AP3D1: variants seen among roughly 807,000 people sequenced by gnomAD.
AP3D1 encodes AP-3 complex subunit delta-1.
Under a neutral mutation model 147.6 loss-of-function variants are expected in AP3D1, and 51 were observed. The ratio of observed to expected loss-of-function variants is 0.35; its 90% CI spans 0.28 to 0.44. AP3D1 has a LOEUF of 0.44. AP3D1 is among the 20% of genes least tolerant of loss of function. The pLI is 1.00. For missense variants in AP3D1, 1,421 were observed against 1,624.2 expected, an observed-to-expected ratio of 0.87 and a Z score of 2.15; for synonymous variants, 760 against 663.0, an observed-to-expected ratio of 1.15 and a Z score of -2.25.
At chr19:2,158,104 G>A (rs1379292190) in intron 1 of AP3D1, among the ~76,000 whole-genome samples, 1 of 152,076 alleles carries the variant, frequency 6.6e-6, no homozygotes, top group East Asian at 1.9e-4. Context: ...CGCCCAGGCT[G>A]CAGTGCAGTG....
At position 2,109,143 on chromosome 19, in the gene AP3D1, T is replaced by C. The variant is rs754876392; in HGVS notation, c.3415A>G (p.Ile1139Val). 4 of 1,609,688 alleles carry C rather than the reference T, an allele frequency of 2.5e-6. No homozygotes were observed. The African/African-American group carries it at 4.0e-5, about 16-fold the overall frequency. The change falls in exon 30 of 32, where the codon ATT (isoleucine) becomes GTT (valine). Residue 1139 changes from isoleucine (I) to valine (V), a missense_variant. Physicochemically the swap from Ile to Val is conservative, Grantham distance 29. Coordinates refer to ENST00000643116, the MANE Select transcript of AP3D1 (RefSeq NM_001261826.3). The stretch of plus-strand genomic sequence containing the variant: ...AGAAGATTCTGGAAGGACATCCGAA[T>C]GCCATCGACTTTGATTGAGCTCATG... ...LSMSSIKVDG[I>V]RMSFQNLLAK...
rs369014997 is a variant in AP3D1 at position 2,118,589 on chromosome 19, G to A, written c.1713+12C>T. 1 of 1,603,288 alleles carries A rather than the reference G, an allele frequency of 6.2e-7. No homozygotes were observed. The highest frequency in any genetic ancestry group is 1.1e-5 in the South Asian group (1 of 90,852). On this transcript the variant is annotated intron_variant, in intron 15 of 31. Coordinates refer to ENST00000643116, the MANE Select transcript of AP3D1 (RefSeq NM_001261826.3). ...CCTGAGGCTCGGCCCAACACGGAGT[G>A]TTGGATCTTACCCGCTCCTGCACCT...
chr19:2,102,593 T>A (rs979870888), intron 31 of AP3D1, among the ~76,000 whole-genome samples: 3 of 151,870 alleles, frequency 2.0e-5, no homozygotes, highest in African/African-American at 7.3e-5. Flanking sequence ...CCAGGCAGGG[T>A]GGCGGGTGCC....
intron 1 of AP3D1, among the ~76,000 whole-genome samples, chr19:2,161,966 T>C (rs997760127): frequency 2.1e-5 from 3 of 144,022 alleles, no homozygotes; most frequent in Non-Finnish European, 4.6e-5. Context: ...AATAAATAAA[T>C]AAAAAGACCA....
chr19:2,143,119 A>G (rs1052108879), intron 1 of AP3D1, among the ~76,000 whole-genome samples: 3 of 150,252 alleles, frequency 2.0e-5, no homozygotes, highest in Non-Finnish European at 2.9e-5. Flanking sequence ...GTTGGAGTGC[A>G]GTGGTATGAT....
At chr19:2,148,743 C>T (rs1052328915) in intron 1 of AP3D1, among the ~76,000 whole-genome samples, 32 of 152,212 alleles carry the variant, frequency 2.1e-4, no homozygotes, top group Non-Finnish European at 4.1e-4. Flanking sequence ...ATCTCCCAAA[C>T]CTCATGCGAT....
chr19:2,164,304 C>T (rs778632698), intron 1 of AP3D1: 7 of 1,227,188 alleles, frequency 5.7e-6, no homozygotes, highest in Admixed American at 8.4e-5. Context: ...TCCCGGCCTC[C>T]CCTCCTCCGC....
intron 8 of AP3D1, 94 bp from the exon 9 acceptor site, chr19:2,127,295 G>T: frequency 7.3e-7 from 1 of 1,367,004 alleles, no homozygotes; most frequent in Non-Finnish European, 1.0e-6. Flanking sequence ...GACGGCCTCC[G>T]CCCCACGGCT....
chr19:2,162,230 G>T (rs1464892987), intron 1 of AP3D1, among the ~76,000 whole-genome samples: 1 of 150,356 alleles, frequency 6.7e-6, no homozygotes, highest in Non-Finnish European at 1.5e-5. Context: ...TAGAGACGGG[G>T]TTTCACCATG....
intron 24 of AP3D1, chr19:2,112,345 A>T: frequency 5.5e-6 from 1 of 180,658 alleles, no homozygotes. Flanking sequence ...AACAGGAACC[A>T]GGCTCTGACC....
chr19:2,139,484 T>C (rs1250673319), intron 1 of AP3D1, among the ~76,000 whole-genome samples: 3 of 152,144 alleles, frequency 2.0e-5, no homozygotes, highest in Non-Finnish European at 2.9e-5. Context: ...CCAAGCGAAC[T>C]CAGGCACGAG....
chr19:2,111,925 AG>A, intron 24 of AP3D1, 97 bp from the exon 25 acceptor site: 1 of 1,575,596 alleles, frequency 6.3e-7, no homozygotes, highest in Non-Finnish European at 8.6e-7. Flanking sequence ...GCTCAGGCTG[AG>A]GGTCCCACGT....
At chr19:2,164,389 C>G in exon 1 of AP3D1, 2 of 577,812 alleles carry the variant, frequency 3.5e-6, no homozygotes, top group Non-Finnish European at 2.5e-6. Flanking sequence ...CCCTGGACTC[C>G]ACTGTCGCTG....
intron 25 of AP3D1, 86 bp from the exon 26 acceptor site, chr19:2,111,418 A>T: frequency 6.6e-7 from 1 of 1,519,772 alleles, no homozygotes; most frequent in South Asian, 1.1e-5. Flanking sequence ...CCCCAGGTCG[A>T]ATGCCACGAC....
rs137939397 is a variant in AP3D1, at chr19:2,157,441, CA to C, written c.-103+6914del. ...TGGGCGACAGAGCGAGACTCCGTCTCAAAAAAAAAAAAAAAAAAAGAAAAAA... is the reference window on the plus strand; with the variant it reads ...TGGGCGACAGAGCGAGACTCCGTCTCAAAAAAAAAAAAAAAAAAGAAAAAA... On this transcript the variant is annotated intron_variant, in intron 1 of 14. Transcript: ENST00000643010. Among the ~76,000 whole-genome samples the C allele has an allele frequency of 3.0e-3, 299 of 101,100 alleles. 4 individuals are homozygous for C. The highest frequency in any genetic ancestry group is 0.016 in the African/African-American group (274 of 17,066). The allele number at this position is 101,100 out of a possible 152,430, so 66.3% of individuals were successfully genotyped here.
rs185717732 is a variant in AP3D1, at chr19:2,151,528, C to A, written c.-194G>T. 8.5e-3 allele frequency: 1,409 copies of A among 166,618 alleles called. 19 individuals carry two copies. Among genetic ancestry groups the A allele is most frequent in the Middle Eastern group, 0.012 (4 of 338 alleles). 10.3% of individuals were successfully genotyped at this position (166,618 alleles called of 1,614,324 possible). Reference sequence around the variant, plus strand: ...ACCCGCTCGGCAGGTGCCGCGATCCCGCTCCGGGCCCCTTGCAAATGGCGG... The same window carrying A: ...ACCCGCTCGGCAGGTGCCGCGATCCAGCTCCGGGCCCCTTGCAAATGGCGG... On this transcript the variant is annotated 5_prime_UTR_variant, in exon 1 of 32. Coordinates refer to ENST00000643116, the MANE Select transcript of AP3D1 (RefSeq NM_001261826.3).
rs775969689 is a variant in AP3D1, at chr19:2,137,094, G to A, written c.274-3C>T. ...GAAGCAGCGAGGTAGCCAATTCGCTGGGAGAGAACAGATGAGCACATCAGA... is the reference window on the plus strand; with the variant it reads ...GAAGCAGCGAGGTAGCCAATTCGCTAGGAGAGAACAGATGAGCACATCAGA... On this transcript the variant is annotated splice_region_variant and splice_polypyrimidine_tract_variant and intron_variant, in intron 3 of 31. Transcript: ENST00000643116. 4.4e-6 allele frequency: 7 copies of A among 1,579,836 alleles called. No individual in the cohort carries two copies. The East Asian group carries it at 1.2e-4, about 27-fold the overall frequency.
At chr19:2,146,257 AC>A (rs1339065642) in intron 1 of AP3D1, among the ~76,000 whole-genome samples, 1 of 152,214 alleles carries the variant, frequency 6.6e-6, no homozygotes, top group Non-Finnish European at 1.5e-5. Flanking sequence ...TGATAAAACT[AC>A]AAGCAAGTCA....
chr19:2,104,666 GTTTTTTTTT>G (rs967229513), intron 31 of AP3D1, among the ~76,000 whole-genome samples: 1 of 113,462 alleles, frequency 8.8e-6, no homozygotes, highest in Non-Finnish European at 1.8e-5. Flanking sequence ...TCTGACACAA[GTTTTTTTTT>G]TTTTTTTTTT....
Sources: gnomAD v4.1 joint callset for allele counts (sites outside exome capture counted in the v4.1 genomes callset) on GRCh38, gnomAD v4.1.1 for gene constraint, MANE v1.5 for transcripts, NCBI Gene and HGNC (gene_info 2026-07-23, HGNC 2026-07-21) for gene names.